The following PCDHA3 variants were observed in gnomAD, a reference collection of about 807,000 sequenced individuals.
PCDHA3 encodes protocadherin alpha 3.
A neutral mutation model predicts 62.2 loss-of-function variants in PCDHA3; 41 were observed. The observed-to-expected ratio is 0.66, with a 90% CI of 0.51 to 0.86. PCDHA3 has a LOEUF of 0.86. PCDHA3 is among the 40% of genes least tolerant of loss of function. The pLI is 0.00. For missense variants in PCDHA3, 1,304 were observed against 1,241.2 expected, an observed-to-expected ratio of 1.05 and a Z score of -0.76; for synonymous variants, 640 against 555.4, an observed-to-expected ratio of 1.15 and a Z score of -2.14.
chr5:140,898,284 T>C (rs2066636432), intron 1 of PCDHA3, among the ~76,000 whole-genome samples: 1 of 152,254 alleles, frequency 6.6e-6, no homozygotes, highest in South Asian at 2.1e-4. Flanking sequence ...TTCTGAATGG[T>C]AATGCCTAGG....
rs201501759 is a variant in PCDHA3 at position 140,978,957 on chromosome 5, G to A, written c.2403G>A (p.Gln801=). The stretch of plus-strand genomic sequence containing the variant: ...TCTTTGTGATTTTGCAGCCACGACA[G>A]CCCAACCCTGACTGGCGTTACTCTG... ...VDVDLSAKPR[Q]PNPDWRYSAS... is the part of the protein sequence containing the mutation. Residue 801 remains glutamine, a synonymous_variant, in exon 2 of 4, where the codon CAG becomes CAA. Coordinates refer to ENST00000522353, the MANE Select transcript of PCDHA3 (RefSeq NM_018906.3). 56 of 1,614,040 alleles carry A rather than the reference G, an allele frequency of 3.5e-5. No individual in the cohort carries two copies. In the East Asian group the frequency reaches 1.1e-3, roughly 32 times the overall value.
intron 1 of PCDHA3, chr5:140,869,810 A>G: frequency 6.2e-7 from 1 of 1,612,624 alleles, no homozygotes; most frequent in South Asian, 1.1e-5. Context: ...TTGGATGTCA[A>G]CGACAATGAT....
Position 140,845,283 on chromosome 5 carries a change from C to G in PCDHA3, c.2394+41692C>G, listed in dbSNP as rs1279149286. ...TTTTCCTTTGTGAAAGTAATATTTC[C>G]TATCCTGTCTATGTCTACCTGGTTC... On this transcript the variant is annotated intron_variant, in intron 1 of 3. Coordinates refer to ENST00000522353, the MANE Select transcript of PCDHA3 (RefSeq NM_018906.3). Among the ~76,000 whole-genome samples, 6 of 149,008 alleles carry G rather than the reference C, an allele frequency of 4.0e-5. No individual in the cohort carries two copies. The South Asian group carries it at 1.1e-3, about 26-fold the overall frequency.
chr5:140,957,597 A>G (rs1036559943), intron 1 of PCDHA3, among the ~76,000 whole-genome samples: 4 of 152,168 alleles, frequency 2.6e-5, no homozygotes, highest in Non-Finnish European at 5.9e-5. Context: ...ACTTCCCAGA[A>G]TAAACACACA....
At chr5:140,869,471 T>A in intron 1 of PCDHA3, 1 of 1,613,696 alleles carries the variant, frequency 6.2e-7, no homozygotes, top group East Asian at 2.2e-5. Context: ...AACGTGGAGG[T>A]GAAGGACATT....
intron 1 of PCDHA3, among the ~76,000 whole-genome samples, chr5:140,818,650 AAT>A (rs1475633979): frequency 1.3e-5 from 2 of 152,206 alleles, no homozygotes; most frequent in African/African-American, 4.8e-5. Context: ...GAGCCTGAGC[AAT>A]ATAGGGAGAC....
intron 1 of PCDHA3, among the ~76,000 whole-genome samples, chr5:140,839,745 C>T (rs1414249750): frequency 6.6e-6 from 1 of 151,938 alleles, no homozygotes; most frequent in Non-Finnish European, 1.5e-5. Flanking sequence ...CCCTTATTTG[C>T]CTTTCCTATT....
chr5:140,828,954 T>C, intron 1 of PCDHA3: 2 of 1,614,236 alleles, frequency 1.2e-6, no homozygotes, highest in South Asian at 1.1e-5. Context: ...GTTGCAGCCA[T>C]GGTTATTGAC....
rs782016888 is a variant in PCDHA3, at chr5:140,801,341, C to G, written c.144C>G (p.Ile48Met). 15 of 1,613,300 alleles carry G rather than the reference C, an allele frequency of 9.3e-6. No individual in the cohort carries two copies. Among genetic ancestry groups the G allele is most frequent in the Non-Finnish European group, 1.2e-5 (14 of 1,179,924 alleles). Residue 48 changes from isoleucine (I) to methionine (M), a missense_variant, in exon 1 of 4, where the codon ATC becomes ATG. Transcript: ENST00000522353. The stretch of plus-strand genomic sequence containing the variant: ...AGCATGGCACCTTCGTGGGCCGCAT[C>G]GCGCAGGACCTGGGGCTGGAGCTGG... The part of the protein sequence containing the change: ...EAKHGTFVGR[I>M]AQDLGLELAE...
chr5:140,856,319 C>T (rs782092511), intron 1 of PCDHA3: 2 of 1,598,532 alleles, frequency 1.3e-6, no homozygotes, highest in African/African-American at 1.3e-5. Flanking sequence ...TCGGATTGAC[C>T]GCGAGGAGCT....
intron 1 of PCDHA3, chr5:140,842,864 G>C (rs1554139478): frequency 1.3e-6 from 2 of 1,593,918 alleles, no homozygotes; most frequent in Non-Finnish European, 1.7e-6. Context: ...CACGGAGAGC[G>C]GCAAGGTGTA....
intron 1 of PCDHA3, chr5:140,816,694 T>A (rs1309487949): frequency 6.6e-6 from 1 of 152,210 alleles, no homozygotes; most frequent in Non-Finnish European, 1.5e-5. Flanking sequence ...TCTTTACTAA[T>A]CAGGCTGGCT....
chr5:140,802,033 A>C lies in PCDHA3; in HGVS notation c.836A>C (p.Tyr279Ser). 2.5e-6 allele frequency: 4 copies of C among 1,614,214 alleles called. No homozygotes were observed. The highest frequency in any genetic ancestry group is 3.4e-6 in the Non-Finnish European group (4 of 1,180,046). The change falls in exon 1 of 4, where the codon TAT (tyrosine) becomes TCT (serine). Residue 279 changes from tyrosine (Y) to serine (S), a missense_variant. By Grantham distance (144) the Tyr-to-Ser change is moderately radical. Coordinates refer to ENST00000522353, the MANE Select transcript of PCDHA3 (RefSeq NM_018906.3). ...LDEGVNKDIA[Y>S]SFNTDMSADI... The stretch of plus-strand genomic sequence containing the variant: ...GAAGGAGTAAATAAGGATATCGCGT[A>C]TTCTTTCAATACGGACATGTCAGCA...
intron 1 of PCDHA3, chr5:140,968,411 G>C (rs895173088): frequency 1.9e-6 from 3 of 1,614,012 alleles, no homozygotes; most frequent in South Asian, 1.1e-5. Context: ...CTTTGTGACT[G>C]TGGAGGCTCA....
chr5:140,840,958 C>A (rs1776953520), intron 1 of PCDHA3, among the ~76,000 whole-genome samples: 1 of 152,042 alleles, frequency 6.6e-6, no homozygotes, highest in Admixed American at 6.5e-5. Context: ...GAAGAAATTC[C>A]TTTCCTTATG....
At chr5:140,881,048 C>T (rs1409752539) in intron 1 of PCDHA3, among the ~76,000 whole-genome samples, 1 of 152,142 alleles carries the variant, frequency 6.6e-6, no homozygotes, top group Non-Finnish European at 1.5e-5. Context: ...TAGAGTTGTG[C>T]ACAGAACAGG....
intron 1 of PCDHA3, among the ~76,000 whole-genome samples, chr5:140,838,141 T>G (rs1229796880): frequency 6.7e-6 from 1 of 149,692 alleles, no homozygotes; most frequent in African/African-American, 2.5e-5. Context: ...TTTGACAGAG[T>G]TTTACTCTGT....
At chr5:140,995,559 A>G (rs2097689300) in intron 3 of PCDHA3, among the ~76,000 whole-genome samples, 1 of 152,242 alleles carries the variant, frequency 6.6e-6, no homozygotes, top group South Asian at 2.1e-4. Context: ...TGTACTGAAT[A>G]ATATGTCAAG....
chr5:140,949,528 A>G (rs2094388709), intron 1 of PCDHA3, among the ~76,000 whole-genome samples: 1 of 151,854 alleles, frequency 6.6e-6, no homozygotes, highest in Non-Finnish European at 1.5e-5. Context: ...TTTTATCTTC[A>G]TAAAATATCG....
Sources: gnomAD v4.1 joint callset for allele counts (sites outside exome capture counted in the v4.1 genomes callset) on GRCh38, gnomAD v4.1.1 for gene constraint, MANE v1.5 for transcripts, NCBI Gene and HGNC (gene_info 2026-07-23, HGNC 2026-07-21) for gene names.